The following LRRK1 variants were observed in gnomAD, a reference collection of about 807,000 sequenced individuals.
LRRK1 encodes the protein leucine rich repeat kinase 1, also known as leucine-rich repeat serine/threonine-protein kinase 1.
Under a neutral mutation model 209.1 loss-of-function variants are expected in LRRK1, and 113 were observed. The ratio of observed to expected loss-of-function variants is 0.54; its 90% CI spans 0.46 to 0.63. LRRK1 has a LOEUF of 0.63. Among genes scored for constraint, LRRK1 ranks in the 30% least tolerant of loss-of-function variants. The pLI is 0.00. For synonymous variants in LRRK1, 1,144 were observed against 1,099.7 expected (o/e 1.04, Z -0.80); for missense variants, 2,284 against 2,632.2 (o/e 0.87, Z 2.89).
intron 2 of LRRK1, among the ~76,000 whole-genome samples, chr15:100,960,453 G>A (rs78270890): frequency 4.5e-4 from 69 of 152,100 alleles, no homozygotes; most frequent in South Asian, 1.0e-3. Flanking sequence ...GTTTATCTTC[G>A]AATTGTACCA....
intron 2 of LRRK1, among the ~76,000 whole-genome samples, chr15:100,962,814 T>TATACAC (rs2030118574): frequency 8.8e-5 from 3 of 33,942 alleles, no homozygotes; most frequent in African/African-American, 1.9e-4. Flanking sequence ...TATATATATA[T>TATACAC]ATATATATAT....
At chr15:100,967,828 G>T (rs2030569944) in intron 2 of LRRK1, among the ~76,000 whole-genome samples, 1 of 152,098 alleles carries the variant, frequency 6.6e-6, no homozygotes, top group Admixed American at 6.5e-5. Context: ...GCAAACATCT[G>T]TACACTTCAC....
At chr15:101,005,362 C>T (rs1327858546) in intron 6 of LRRK1, among the ~76,000 whole-genome samples, 1 of 152,100 alleles carries the variant, frequency 6.6e-6, no homozygotes, top group African/African-American at 2.4e-5. Flanking sequence ...ACCTAGGCAT[C>T]ATCTGATCCA....
intron 19 of LRRK1, 31 bp from the exon 20 acceptor site, chr15:101,028,925 T>G (rs1421789374): frequency 6.2e-7 from 1 of 1,606,890 alleles, no homozygotes; most frequent in African/African-American, 1.3e-5. Flanking sequence ...TTTGTCTAAC[T>G]GCTGCTTCCT....
At chr15:101,051,230 C>A (rs1352367636) in intron 23 of LRRK1, among the ~76,000 whole-genome samples, 1 of 152,242 alleles carries the variant, frequency 6.6e-6, no homozygotes. Flanking sequence ...TGGGGGAATC[C>A]CGTGTCCGGT....
At chr15:101,032,110 G>C (rs1263069521) in intron 20 of LRRK1, among the ~76,000 whole-genome samples, 1 of 152,142 alleles carries the variant, frequency 6.6e-6, no homozygotes, top group Non-Finnish European at 1.5e-5. Flanking sequence ...CTTGACTGTG[G>C]CTTTACTTTA....
At chr15:101,047,414 C>T (rs2035145001) in intron 21 of LRRK1, among the ~76,000 whole-genome samples, 1 of 152,188 alleles carries the variant, frequency 6.6e-6, no homozygotes, top group African/African-American at 2.4e-5. Flanking sequence ...ACTCTGTGTG[C>T]CGCTGTCTTC....
chr15:100,936,558 A>G (rs1347017709), intron 2 of LRRK1, among the ~76,000 whole-genome samples: 1 of 152,250 alleles, frequency 6.6e-6, no homozygotes, highest in Non-Finnish European at 1.5e-5. Context: ...AAGCTATGCC[A>G]GGGCATCTAC....
chr15:100,929,301 C>T (rs924637568), intron 2 of LRRK1, among the ~76,000 whole-genome samples: 1 of 152,098 alleles, frequency 6.6e-6, no homozygotes, highest in Non-Finnish European at 1.5e-5. Context: ...GAGTGGCCGT[C>T]GCTTCGGTCC....
chr15:101,068,220 A>G lies in LRRK1; in HGVS notation c.5871-451A>G, dbSNP rs1003522747. On this transcript the variant is annotated intron_variant, in intron 33 of 33. Transcript: ENST00000388948. Reference sequence around the variant, plus strand: ...GGGCAGTAGGTTTTCCATTTAATATATGATCCTGTATTTCCTAAGCCTGTA... The same window carrying G: ...GGGCAGTAGGTTTTCCATTTAATATGTGATCCTGTATTTCCTAAGCCTGTA... 3.9e-5 allele frequency among the ~76,000 whole-genome samples: 6 copies of G among 152,310 alleles called. No homozygotes were observed. In the East Asian group the frequency reaches 7.7e-4, roughly 20 times the overall value.
chr15:100,935,600 G>A (rs2042286171), intron 2 of LRRK1, among the ~76,000 whole-genome samples: 1 of 152,214 alleles, frequency 6.6e-6, no homozygotes, highest in Non-Finnish European at 1.5e-5. Flanking sequence ...GAGCCCTGGA[G>A]AGAAGGCACC....
At chr15:101,008,571 G>C (rs950679019) in intron 6 of LRRK1, among the ~76,000 whole-genome samples, 14 of 151,910 alleles carry the variant, frequency 9.2e-5, no homozygotes, top group Non-Finnish European at 1.5e-4. Flanking sequence ...CGCGCCCACC[G>C]GCGCCCTCTG....
At chr15:101,004,202 A>G (rs1360312416) in intron 6 of LRRK1, among the ~76,000 whole-genome samples, 2 of 152,134 alleles carry the variant, frequency 1.3e-5, no homozygotes, top group Non-Finnish European at 2.9e-5. Context: ...ATCGCTATAG[A>G]TCAGAGGCTG....
chr15:100,926,874 G>C (rs1271405470), intron 2 of LRRK1, among the ~76,000 whole-genome samples: 1 of 151,812 alleles, frequency 6.6e-6, no homozygotes, highest in East Asian at 1.9e-4. Flanking sequence ...TAGTAGAGAC[G>C]AAGTTTCACC....
chr15:100,941,455 T>TCTGTGTGTGTGTGG (rs2042429841), intron 2 of LRRK1, among the ~76,000 whole-genome samples: 1 of 77,622 alleles, frequency 1.3e-5, no homozygotes, highest in Non-Finnish European at 2.5e-5. Context: ...TCTGTGTGTG[T>TCTGTGTGTGTGTGG]CTATGTCTCT....
chr15:100,970,539 G>A (rs1381413678), intron 2 of LRRK1, among the ~76,000 whole-genome samples: 1 of 152,084 alleles, frequency 6.6e-6, no homozygotes, highest in Admixed American at 6.5e-5. Flanking sequence ...GATTACTATA[G>A]CTTTGTAGTT....
At chr15:101,007,221 C>G (rs2033002090) in intron 6 of LRRK1, among the ~76,000 whole-genome samples, 2 of 152,212 alleles carry the variant, frequency 1.3e-5, no homozygotes, top group African/African-American at 4.8e-5. Flanking sequence ...TGGGACCTTT[C>G]TCGTAGCCTC....
At position 100,924,595 on chromosome 15, in the gene LRRK1, C is replaced by G. The variant is rs559034752; in HGVS notation, c.-38C>G. On this transcript the variant is annotated 5_prime_UTR_variant, in exon 2 of 34. Coordinates refer to ENST00000388948, the MANE Select transcript of LRRK1 (RefSeq NM_024652.6). ...CCAGCGGCAGTGGCAGTGACAACAG[C>G]GGGACCTGCCTTTGAAGATCGGCTG... 1 of 1,589,872 alleles carries G rather than the reference C, an allele frequency of 6.3e-7. No individual in the cohort carries two copies. The highest frequency in any genetic ancestry group is 1.3e-5 in the African/African-American group (1 of 74,414).
At chr15:101,015,254 T>G in intron 11 of LRRK1, 72 bp from the exon 12 acceptor site, 1 of 1,251,942 alleles carries the variant, frequency 8.0e-7, no homozygotes, top group Non-Finnish European at 1.2e-6. Context: ...GGCTTGGCAT[T>G]ATAACATCAC....
Sources: allele counts gnomAD v4.1 joint callset (sites outside exome capture counted in the v4.1 genomes callset), GRCh38; gene constraint gnomAD v4.1.1; transcripts MANE v1.5; gene names NCBI Gene and HGNC (gene_info 2026-07-23, HGNC 2026-07-21).